The following ERBB4 variants were observed in gnomAD, a reference collection of about 807,000 sequenced individuals.
ERBB4 encodes the protein receptor tyrosine-protein kinase erbB-4.
A neutral mutation model predicts 158.0 loss-of-function variants in ERBB4; 42 were observed. The observed-to-expected ratio is 0.27, with a 90% CI of 0.21 to 0.34. The LOEUF is 0.34. Among genes scored for constraint, ERBB4 ranks in the 10% least tolerant of loss-of-function variants. The pLI, the probability that ERBB4 is intolerant of heterozygous loss-of-function variation, is 1.00. For synonymous variants in ERBB4, 583 were observed against 558.7 expected (o/e 1.04, Z -0.61); for missense variants, 1,333 against 1,624.1 (o/e 0.82, Z 3.08).
intron 1 of ERBB4, among the ~76,000 whole-genome samples, chr2:212,218,542 C>T (rs1483978663): frequency 6.6e-6 from 1 of 151,336 alleles, no homozygotes; most frequent in Non-Finnish European, 1.5e-5. Flanking sequence ...TGTGAGAGAA[C>T]ATCCAGAATT....
chr2:212,448,481 T>C (rs1318223007), intron 1 of ERBB4, among the ~76,000 whole-genome samples: 5 of 152,186 alleles, frequency 3.3e-5, no homozygotes, highest in Non-Finnish European at 7.4e-5. Context: ...CAGCCATGTG[T>C]ATAATCATCC....
At chr2:212,384,920 T>TACAC (rs547762352) in intron 1 of ERBB4, among the ~76,000 whole-genome samples, 103 of 123,750 alleles carry the variant, frequency 8.3e-4, no homozygotes, top group African/African-American at 3.0e-3. Context: ...TATATATATA[T>TACAC]ACACACACAC....
rs1487155038 is a variant in ERBB4, at chr2:211,593,024, AG to A, written c.2301+26152del. ...TGAGACTCCATCTCAAAAAAAAAAAAGAAGGGCCCTTCTGCACACTGAAGGG... is the reference window on the plus strand; with the variant it reads ...TGAGACTCCATCTCAAAAAAAAAAAAAAGGGCCCTTCTGCACACTGAAGGG... On this transcript the variant is annotated intron_variant, in intron 19 of 27. Coordinates refer to ENST00000342788, the MANE Select transcript of ERBB4 (RefSeq NM_005235.3). Among the ~76,000 whole-genome samples, 725 of 150,890 alleles carry A rather than the reference AG, an allele frequency of 4.8e-3. 7 individuals are homozygous for A. Among genetic ancestry groups the A allele is most frequent in the African/African-American group, 0.017 (700 of 41,162 alleles).
At chr2:212,479,512 G>C (rs149858955) in intron 1 of ERBB4, among the ~76,000 whole-genome samples, 197 of 152,218 alleles carry the variant, frequency 1.3e-3, no homozygotes, top group African/African-American at 4.6e-3. Context: ...TGTGCGCCGA[G>C]CACTACGCTT....
intron 2 of ERBB4, among the ~76,000 whole-genome samples, chr2:211,982,798 A>T (rs1051376521): frequency 1.3e-5 from 2 of 152,100 alleles, no homozygotes; most frequent in Non-Finnish European, 1.5e-5. Context: ...ATTAAAATGA[A>T]TTTTTTCAGT....
intron 17 of ERBB4, among the ~76,000 whole-genome samples, chr2:211,625,930 T>G (rs2069825776): frequency 6.6e-6 from 1 of 152,232 alleles, no homozygotes; most frequent in Admixed American, 6.5e-5. Context: ...TTTTCAGTCT[T>G]CTTTAATTTT....
chr2:212,538,422 G>A (rs765076396), intron 1 of ERBB4, 27 bp downstream of exon 1: 12 of 1,609,808 alleles, frequency 7.5e-6, no homozygotes, highest in Non-Finnish European at 1.0e-5. Flanking sequence ...TGCAGGTTCG[G>A]CGACCGGAGT....
chr2:211,499,360 T>C (rs928768967), intron 20 of ERBB4, among the ~76,000 whole-genome samples: 2 of 151,706 alleles, frequency 1.3e-5, no homozygotes, highest in South Asian at 4.2e-4. Flanking sequence ...CCATCTCTAC[T>C]AAAATACAAA....
At chr2:211,542,657 T>C (rs1359491098) in intron 20 of ERBB4, among the ~76,000 whole-genome samples, 1 of 152,054 alleles carries the variant, frequency 6.6e-6, no homozygotes, top group Non-Finnish European at 1.5e-5. Context: ...CAGGTTTGAC[T>C]AAGAGTGGCC....
chr2:211,410,812 A>G (rs1176584479), intron 25 of ERBB4, among the ~76,000 whole-genome samples: 1 of 152,244 alleles, frequency 6.6e-6, no homozygotes, highest in Non-Finnish European at 1.5e-5. Flanking sequence ...GTTTAATAAG[A>G]TATTATAACC....
chr2:212,412,755 T>A (rs1212127113), intron 1 of ERBB4, among the ~76,000 whole-genome samples: 3 of 152,158 alleles, frequency 2.0e-5, no homozygotes, highest in Non-Finnish European at 4.4e-5. Flanking sequence ...TCTAAATTAC[T>A]CAATTATATA....
intron 2 of ERBB4, among the ~76,000 whole-genome samples, chr2:211,949,243 A>G (rs1025417047): frequency 1.3e-5 from 2 of 152,154 alleles, no homozygotes; most frequent in African/African-American, 2.4e-5. Context: ...AGGCTAGCCA[A>G]GATATTTTAA....
chr2:211,540,387 T>C (rs2066769313), intron 20 of ERBB4, among the ~76,000 whole-genome samples: 2 of 151,738 alleles, frequency 1.3e-5, no homozygotes, highest in South Asian at 2.1e-4. Flanking sequence ...TGCAATGCAA[T>C]CGAATAAACT....
At position 212,538,505 on chromosome 2, in the gene ERBB4, A is replaced by G; in HGVS notation, c.26T>C (p.Val9Ala). Reference sequence around the variant, plus strand: ...CGCCGCCACGAGAAGGCTCACCCAGACCCAAAGTCCTGTCGCCGGCTTCAT... The same window carrying G: ...CGCCGCCACGAGAAGGCTCACCCAGGCCCAAAGTCCTGTCGCCGGCTTCAT... MKPATGLW[V>A]WVSLLVAAGT... Residue 9 changes from valine to alanine, a missense_variant, in exon 1 of 28, where the codon GTC (valine) becomes GCC (alanine). Coordinates refer to ENST00000342788, the MANE Select transcript of ERBB4 (RefSeq NM_005235.3). The G allele has an allele frequency of 1.2e-6, 2 of 1,614,056 alleles. No individual in the cohort carries two copies. Among genetic ancestry groups the G allele is most frequent in the Non-Finnish European group, 1.7e-6 (2 of 1,179,938 alleles).
At chr2:211,663,983 G>C (rs1018811089) in intron 15 of ERBB4, among the ~76,000 whole-genome samples, 6 of 151,924 alleles carry the variant, frequency 3.9e-5, no homozygotes, top group Non-Finnish European at 7.4e-5. Context: ...TTGAAGCAAA[G>C]TGTCTATGTG....
At chr2:211,478,313 C>T (rs901493169) in intron 20 of ERBB4, among the ~76,000 whole-genome samples, 14 of 152,132 alleles carry the variant, frequency 9.2e-5, no homozygotes, top group African/African-American at 2.2e-4. Flanking sequence ...TCAACAGCTT[C>T]GGGATGGTAT....
chr2:211,970,398 G>A (rs2081418719), intron 2 of ERBB4, among the ~76,000 whole-genome samples: 1 of 152,086 alleles, frequency 6.6e-6, no homozygotes, highest in Admixed American at 6.6e-5. Flanking sequence ...TATCTATCAG[G>A]CCCATTCAAT....
Position 211,947,455 on chromosome 2 carries a change from T to C in ERBB4, c.396A>G (p.Gln132=). 1 of 1,613,874 alleles carries C rather than the reference T, an allele frequency of 6.2e-7. No individual in the cohort carries two copies. Among genetic ancestry groups the C allele is most frequent in the Non-Finnish European group, 8.5e-7 (1 of 1,179,866 alleles). The change falls in exon 3 of 28, where the codon CAA becomes CAG. Residue 132 remains glutamine, a synonymous_variant. Coordinates refer to ENST00000342788, the MANE Select transcript of ERBB4 (RefSeq NM_005235.3). ...CTGTCAAGTTCTTTAATCCAAGTTC[T>C]TGAAGTCCAAAGTTTCCATCTTTTC... The part of the protein sequence containing the change: ...NYRKDGNFGL[Q]ELGLKNLTEI...
At position 212,425,367 on chromosome 2, in the gene ERBB4, T is replaced by TGTATGG. The variant is rs1560285692; in HGVS notation, c.82+113081_82+113082insCCATAC. Among the ~76,000 whole-genome samples, 77 of 145,946 alleles carry TGTATGG rather than the reference T, an allele frequency of 5.3e-4. 1 individual carries two copies. The highest frequency in any genetic ancestry group is 1.9e-3 in the African/African-American group (73 of 39,204). ...ATATATATGAACATATATGTATATGTATACATATATATGAACATATATGTA... is the reference window on the plus strand; with the variant it reads ...ATATATATGAACATATATGTATATGTGTATGGATACATATATATGAACATATATGTA... On this transcript the variant is annotated intron_variant, in intron 1 of 27. Transcript: ENST00000342788.
Sources: gnomAD v4.1 joint callset for allele counts (sites outside exome capture counted in the v4.1 genomes callset) on GRCh38, gnomAD v4.1.1 for gene constraint, MANE v1.5 for transcripts, NCBI Gene and HGNC (gene_info 2026-07-23, HGNC 2026-07-21) for gene names.